The following FILIP1 variants were observed in gnomAD, a reference collection of about 807,000 sequenced individuals.
FILIP1 encodes filamin A interacting protein 1, also known as filamin-A-interacting protein 1.
In FILIP1, 61 loss-of-function variants were observed where a neutral mutation model predicts 102.1. That is an observed-to-expected ratio of 0.60 (90% CI 0.49 to 0.74). The LOEUF (loss-of-function observed/expected upper bound fraction) is 0.74, where lower values mean the gene tolerates loss of function less well. Ranked by LOEUF, FILIP1 falls within the 30% of genes least tolerant of loss-of-function variation. The pLI is 0.00. For synonymous variants in FILIP1, 491 were observed against 526.9 expected, an observed-to-expected ratio of 0.93 and a Z score of 0.93; for missense variants, 1,314 against 1,441.2, an observed-to-expected ratio of 0.91 and a Z score of 1.43.
intron 4 of FILIP1, among the ~76,000 whole-genome samples, chr6:75,337,303 C>T (rs1166407613): frequency 6.6e-6 from 1 of 152,164 alleles, no homozygotes; most frequent in African/African-American, 2.4e-5. Flanking sequence ...AGTATCCAGG[C>T]TCCTATTATC....
chr6:75,312,654 T>C lies in FILIP1; in HGVS notation c.3178A>G (p.Ile1060Val). The C allele has an allele frequency of 6.2e-7, 1 of 1,614,234 alleles. No homozygotes were observed. Among genetic ancestry groups the C allele is most frequent in the Non-Finnish European group, 8.5e-7 (1 of 1,180,052 alleles). The change falls in exon 5 of 6, where the codon ATA becomes GTA. Residue 1060 changes from isoleucine to valine, a missense_variant. Ile to Val is a conservative substitution (Grantham distance 29). Around this residue, in one of 3 missense-constraint regions of FILIP1, gnomAD observed 816 missense variants for 913.1 expected, o/e 0.89. Transcript: ENST00000237172. ...TGAATTTTATTGTCCTCTGTGGTTA[T>C]GATATTGGCATTGGAGTTGTATTTC... ...VRKYNSNANI[I>V]TTEDNKIHIH...
intron 1 of FILIP1, among the ~76,000 whole-genome samples, chr6:75,473,225 T>C (rs1236582086): frequency 6.6e-6 from 1 of 152,152 alleles, no homozygotes; most frequent in Non-Finnish European, 1.5e-5. Flanking sequence ...CACAATAATA[T>C]TATAGGACTT....
chr6:75,337,497 G>C (rs991065318), intron 4 of FILIP1, among the ~76,000 whole-genome samples: 1 of 152,064 alleles, frequency 6.6e-6, no homozygotes, highest in Admixed American at 6.5e-5. Flanking sequence ...CAATGTATGT[G>C]GGCAATCACT....
chr6:75,487,371 C>G (rs116594190), intron 1 of FILIP1, among the ~76,000 whole-genome samples: 3,760 of 152,228 alleles, frequency 0.025, 154 homozygotes, highest in African/African-American at 0.086. Flanking sequence ...TCCTCATGTG[C>G]ACTTAGGCTG....
downstream of FILIP1, among the ~76,000 whole-genome samples, chr6:75,303,251 G>C (rs989769424): frequency 3.3e-5 from 5 of 152,170 alleles, no homozygotes; most frequent in African/African-American, 1.2e-4. Context: ...AAGCTGATTT[G>C]GAAAAACACA....
intron 1 of FILIP1, among the ~76,000 whole-genome samples, chr6:75,493,184 C>T (rs1780014458): frequency 6.6e-6 from 1 of 152,186 alleles, no homozygotes; most frequent in Non-Finnish European, 1.5e-5. Context: ...TCTACTAAAA[C>T]ACCATAAAAT....
chr6:75,440,927 C>T (rs1326736692), intron 1 of FILIP1, among the ~76,000 whole-genome samples: 1 of 127,848 alleles, frequency 7.8e-6, no homozygotes, highest in African/African-American at 3.0e-5. Context: ...CCAGCCTGGG[C>T]AACAAGGAGC....
At chr6:75,453,137 C>G (rs970211070) in intron 1 of FILIP1, among the ~76,000 whole-genome samples, 1 of 152,188 alleles carries the variant, frequency 6.6e-6, no homozygotes, top group Admixed American at 6.5e-5. Flanking sequence ...TTACCCCATA[C>G]AGAGTTGTAA....
exon 7 of FILIP1, chr6:75,295,081 T>C (rs926660234): frequency 1.3e-5 from 2 of 152,022 alleles, no homozygotes; most frequent in Non-Finnish European, 2.9e-5. Flanking sequence ...TTGTGAGAAC[T>C]ATCTTTATTT....
intron 2 of FILIP1, among the ~76,000 whole-genome samples, chr6:75,394,892 T>C (rs1313744058): frequency 1.3e-5 from 2 of 152,124 alleles, no homozygotes; most frequent in Non-Finnish European, 2.9e-5. Context: ...GCAATTTCAA[T>C]TCTGGGAATT....
chr6:75,364,989 A>C (rs976189574), intron 2 of FILIP1, among the ~76,000 whole-genome samples: 1 of 152,232 alleles, frequency 6.6e-6, no homozygotes, highest in Non-Finnish European at 1.5e-5. Context: ...TTATGTAATG[A>C]CAGGAAAGGA....
At chr6:75,412,356 C>T (rs1777106140) in intron 2 of FILIP1, among the ~76,000 whole-genome samples, 1 of 152,156 alleles carries the variant, frequency 6.6e-6, no homozygotes, top group Non-Finnish European at 1.5e-5. Context: ...ATCATGTTAT[C>T]TGCACACAGA....
chr6:75,409,010 G>T (rs906755040), intron 2 of FILIP1, among the ~76,000 whole-genome samples: 2 of 152,008 alleles, frequency 1.3e-5, no homozygotes, highest in Admixed American at 1.3e-4. Flanking sequence ...ATCCCATTTT[G>T]TCTCCCTGGT....
At chr6:75,487,532 C>A (rs1779824820) in intron 1 of FILIP1, among the ~76,000 whole-genome samples, 1 of 151,762 alleles carries the variant, frequency 6.6e-6, no homozygotes, top group Non-Finnish European at 1.5e-5. Flanking sequence ...ATTATTGTGT[C>A]ATCTATGACT....
intron 2 of FILIP1, among the ~76,000 whole-genome samples, chr6:75,368,787 A>C (rs1445466020): frequency 6.6e-6 from 1 of 152,200 alleles, no homozygotes; most frequent in Admixed American, 6.5e-5. Context: ...AAGCTTTGTA[A>C]GCCATGCAAT....
intron 2 of FILIP1, among the ~76,000 whole-genome samples, chr6:75,372,748 A>AAG (rs1775608076): frequency 7.4e-5 from 4 of 53,696 alleles, no homozygotes; most frequent in African/African-American, 3.4e-4. Context: ...GAAAGAAAGA[A>AAG]AGAAAGAAAG....
intron 6 of FILIP1, among the ~76,000 whole-genome samples, chr6:75,302,679 G>T (rs572577588): frequency 4.6e-5 from 7 of 152,092 alleles, no homozygotes; most frequent in African/African-American, 1.7e-4. Flanking sequence ...TGGGGGTCCC[G>T]CCAAGGGAAG....
At chr6:75,479,020 A>G (rs1181444463) in intron 1 of FILIP1, among the ~76,000 whole-genome samples, 1 of 152,194 alleles carries the variant, frequency 6.6e-6, no homozygotes, top group Non-Finnish European at 1.5e-5. Context: ...TACATAACTA[A>G]GGAAATAAGT....
At chr6:75,407,485 C>T (rs13206985) in intron 2 of FILIP1, among the ~76,000 whole-genome samples, 8,131 of 152,260 alleles carry the variant, frequency 0.053, 296 homozygotes, top group Non-Finnish European at 0.076. Flanking sequence ...CTCGGCCTCC[C>T]ATAGTGCTGG....
Sources: allele counts gnomAD v4.1 joint callset (sites outside exome capture counted in the v4.1 genomes callset), GRCh38; gene constraint gnomAD v4.1.1; regional missense constraint gnomAD v4.1.1; transcripts MANE v1.5; gene names NCBI Gene and HGNC (gene_info 2026-07-23, HGNC 2026-07-21).